Variants in SAMD5 observed in about 807,000 individuals in gnomAD.
SAMD5 encodes sterile alpha motif domain containing 5.
SAMD5 carries 13 observed loss-of-function variants against 11.3 expected under a neutral mutation model. The ratio of observed to expected loss-of-function variants is 1.15; its 90% confidence interval spans 0.75 to 1.83. SAMD5 has a LOEUF of 1.83. Among genes scored for constraint, SAMD5 ranks in the 40% most tolerant of loss-of-function variants. SAMD5 has a pLI of 0.00. For missense variants in SAMD5, 255 were observed against 239.1 expected (o/e 1.07, Z -0.44); for synonymous variants, 129 against 111.3 (o/e 1.16, Z -1.00).
chr6:147,805,520 A>C, the SAMD5 span, among the ~76,000 whole-genome samples: 2 of 152,218 alleles, frequency 1.3e-5, no homozygotes, highest in Non-Finnish European at 2.9e-5. Flanking sequence ...GACGTGTGAG[A>C]AGAAAAAGAG....
the SAMD5 span, among the ~76,000 whole-genome samples, chr6:147,889,737 C>A: frequency 6.6e-6 from 1 of 152,198 alleles, no homozygotes; most frequent in Admixed American, 6.5e-5. Flanking sequence ...ACACACTACT[C>A]CTGGGCTCTG....
At chr6:147,715,564 C>G (rs964996394) in intron 1 of SAMD5, among the ~76,000 whole-genome samples, 1 of 152,220 alleles carries the variant, frequency 6.6e-6, no homozygotes, top group African/African-American at 2.4e-5. Flanking sequence ...CTCTTCTCCC[C>G]TCTCCTTCTT....
chr6:147,710,895 G>A (rs927063804), intron 1 of SAMD5, among the ~76,000 whole-genome samples: 1 of 151,752 alleles, frequency 6.6e-6, no homozygotes, highest in Non-Finnish European at 1.5e-5. Flanking sequence ...GGGAGAAACA[G>A]TGTCTTGTGC....
chr6:147,658,467 T>C (rs1392888223), intron 1 of SAMD5, among the ~76,000 whole-genome samples: 1 of 152,076 alleles, frequency 6.6e-6, no homozygotes, highest in African/African-American at 2.4e-5. Flanking sequence ...AAGATGATGA[T>C]TGATTTAGCA....
chr6:147,808,365 AT>A, the SAMD5 span, among the ~76,000 whole-genome samples: 1 of 152,126 alleles, frequency 6.6e-6, no homozygotes, highest in Admixed American at 6.5e-5. Flanking sequence ...TGCCTAGCTA[AT>A]TTTTTAAAGT....
chr6:147,912,048 A>G, the SAMD5 span, among the ~76,000 whole-genome samples: 37 of 152,228 alleles, frequency 2.4e-4, 1 homozygote, highest in African/African-American at 7.2e-5. Flanking sequence ...GCCTAGACTC[A>G]GACCTGATGC....
intron 1 of SAMD5, among the ~76,000 whole-genome samples, chr6:147,717,128 G>C (rs1791479672): frequency 6.6e-6 from 1 of 152,188 alleles, no homozygotes; most frequent in Non-Finnish European, 1.5e-5. Flanking sequence ...AAATGTCTCT[G>C]TCTCACTCAC....
chr6:147,809,290 G>A, the SAMD5 span, among the ~76,000 whole-genome samples: 1 of 151,930 alleles, frequency 6.6e-6, no homozygotes. Context: ...TATCCAGAAA[G>A]ACAGTTCTGA....
At chr6:147,639,099 A>G (rs1195782303) in intron 1 of SAMD5, among the ~76,000 whole-genome samples, 2 of 152,144 alleles carry the variant, frequency 1.3e-5, no homozygotes, top group African/African-American at 4.8e-5. Flanking sequence ...TAAACTGCAA[A>G]TTGCGAGTAC....
the SAMD5 span, among the ~76,000 whole-genome samples, chr6:147,938,419 A>G: frequency 6.6e-6 from 1 of 152,324 alleles, no homozygotes; most frequent in East Asian, 1.9e-4. Context: ...GGGATGCTCA[A>G]TGGAAATTAT....
At chr6:147,551,898 C>T (rs1788782056) in intron 1 of SAMD5, among the ~76,000 whole-genome samples, 1 of 64,710 alleles carries the variant, frequency 1.5e-5, no homozygotes, top group African/African-American at 6.2e-5. Context: ...CCTGAAAAAC[C>T]AGTGTTTGGG....
chr6:147,800,400 C>G, the SAMD5 span, among the ~76,000 whole-genome samples: 2 of 152,128 alleles, frequency 1.3e-5, no homozygotes, highest in East Asian at 3.9e-4. Flanking sequence ...GGGTCAGGGA[C>G]CCACTTGAGG....
intron 1 of SAMD5, among the ~76,000 whole-genome samples, chr6:147,672,864 A>G (rs993609019): frequency 2.6e-5 from 4 of 152,028 alleles, no homozygotes; most frequent in Admixed American, 2.0e-4. Context: ...CAATTTATTT[A>G]TTTATTTATT....
intron 1 of SAMD5, among the ~76,000 whole-genome samples, chr6:147,654,028 CT>C (rs1294705704): frequency 2.0e-5 from 3 of 152,200 alleles, no homozygotes; most frequent in Non-Finnish European, 4.4e-5. Context: ...TTAGAATCCC[CT>C]GATACTGAAA....
At chr6:147,620,698 G>A (rs1220176573) in intron 1 of SAMD5, among the ~76,000 whole-genome samples, 6 of 152,186 alleles carry the variant, frequency 3.9e-5, no homozygotes, top group African/African-American at 2.4e-5. Flanking sequence ...GAAGGCAGGT[G>A]AATTAAGTAG....
chr6:147,550,056 G>A (rs1788744512), intron 1 of SAMD5, among the ~76,000 whole-genome samples: 2 of 151,462 alleles, frequency 1.3e-5, no homozygotes, highest in East Asian at 1.9e-4. Flanking sequence ...ACTAGCCTGG[G>A]CAACATAGCA....
At chr6:147,870,486 A>ATATATATG in the SAMD5 span, among the ~76,000 whole-genome samples, 2 of 146,412 alleles carry the variant, frequency 1.4e-5, no homozygotes, top group Non-Finnish European at 3.0e-5. Context: ...GTGTGTGTAT[A>ATATATATG]TATATATGTA....
chr6:147,662,369 C>T (rs1790660545), intron 1 of SAMD5, among the ~76,000 whole-genome samples: 1 of 152,180 alleles, frequency 6.6e-6, no homozygotes, highest in Non-Finnish European at 1.5e-5. Context: ...CAATTAACAG[C>T]TTCATTCTAA....
chr6:147,568,618 A>G lies in SAMD5; in HGVS notation c.*4162A>G. On this transcript the variant is annotated 3_prime_UTR_variant, in exon 2 of 2. Coordinates refer to ENST00000367474, the MANE Select transcript of SAMD5 (RefSeq NM_001030060.3). ...TCAGCTGACATCTTGTGCTTACAGT[A>G]AAGCCATATAGATGCACACATAGTG... The G allele has an allele frequency of 1.0e-6, 1 of 985,388 alleles. No individual in the cohort carries two copies. The highest frequency in any genetic ancestry group is 1.2e-6 in the Non-Finnish European group (1 of 829,862). 61.0% of individuals were successfully genotyped at this position (985,388 alleles called of 1,614,324 possible). A position where few individuals can be genotyped will look rare whatever the true frequency, so the allele number is the denominator to read the frequency against.
Sources: allele counts gnomAD v4.1 joint callset (sites outside exome capture counted in the v4.1 genomes callset), GRCh38; gene constraint gnomAD v4.1.1; transcripts MANE v1.5; gene names NCBI Gene and HGNC (gene_info 2026-07-23, HGNC 2026-07-21).